The following SPOCK1 variants were observed in gnomAD, a reference collection of about 807,000 sequenced individuals.
SPOCK1 encodes the protein testican-1.
In SPOCK1, 23 loss-of-function variants were observed where a neutral mutation model predicts 55.3. That is an observed-to-expected ratio of 0.42 (90% CI 0.30 to 0.59). SPOCK1 has a LOEUF of 0.59. SPOCK1 is among the 20% of genes least tolerant of loss of function. SPOCK1 has a pLI of 0.22. For synonymous variants in SPOCK1, 226 were observed against 221.0 expected, an observed-to-expected ratio of 1.02 and a Z score of -0.20; for missense variants, 499 against 552.5, an observed-to-expected ratio of 0.90 and a Z score of 0.97.
At chr5:137,127,486 C>T (rs533807672) in intron 4 of SPOCK1, among the ~76,000 whole-genome samples, 12 of 152,374 alleles carry the variant, frequency 7.9e-5, no homozygotes, top group Non-Finnish European at 1.5e-4. Flanking sequence ...TCAATGGGTC[C>T]AGAAGGTGAG....
At chr5:137,349,136 T>C (rs1033543746) in intron 2 of SPOCK1, among the ~76,000 whole-genome samples, 1 of 152,188 alleles carries the variant, frequency 6.6e-6, no homozygotes, top group East Asian at 1.9e-4. Flanking sequence ...CTTATTTACA[T>C]ACATGTGGCT....
chr5:137,281,774 G>T (rs1480066845), intron 2 of SPOCK1, among the ~76,000 whole-genome samples: 2 of 152,148 alleles, frequency 1.3e-5, no homozygotes, highest in African/African-American at 4.8e-5. Context: ...GCTGCCTGCT[G>T]GAATTATTTG....
intron 3 of SPOCK1, among the ~76,000 whole-genome samples, chr5:137,245,694 G>A (rs1199367871): frequency 1.3e-5 from 2 of 151,706 alleles, no homozygotes; most frequent in Non-Finnish European, 1.5e-5. Context: ...AGGGATGTAC[G>A]GTTAGATGGC....
At chr5:137,451,899 C>T (rs1304143069) in intron 2 of SPOCK1, among the ~76,000 whole-genome samples, 1 of 152,180 alleles carries the variant, frequency 6.6e-6, no homozygotes, top group African/African-American at 2.4e-5. Flanking sequence ...ATTTTAGACC[C>T]TAAAGGTTGA....
chr5:137,337,003 G>C (rs1427800490), intron 2 of SPOCK1, among the ~76,000 whole-genome samples: 1 of 152,214 alleles, frequency 6.6e-6, no homozygotes, highest in Non-Finnish European at 1.5e-5. Flanking sequence ...GCAAAGACCA[G>C]TGACACTGTC....
chr5:137,427,786 G>A (rs1446739362), intron 2 of SPOCK1, among the ~76,000 whole-genome samples: 2 of 151,918 alleles, frequency 1.3e-5, no homozygotes, highest in African/African-American at 4.8e-5. Context: ...GTGGGTGGCT[G>A]TAGTCCCAGC....
At chr5:137,099,295 T>C (rs1753214516) in intron 5 of SPOCK1, among the ~76,000 whole-genome samples, 1 of 152,310 alleles carries the variant, frequency 6.6e-6, no homozygotes, top group Middle Eastern at 3.4e-3. Flanking sequence ...ACAGGTCTCA[T>C]TTTTAACATA....
chr5:137,449,579 C>T (rs1056733378), intron 2 of SPOCK1, among the ~76,000 whole-genome samples: 10 of 152,080 alleles, frequency 6.6e-5, no homozygotes, highest in African/African-American at 2.4e-4. Flanking sequence ...TAAAATGAGG[C>T]AAAACCCATG....
At chr5:137,247,619 G>A (rs1315549406) in intron 3 of SPOCK1, among the ~76,000 whole-genome samples, 1 of 152,160 alleles carries the variant, frequency 6.6e-6, no homozygotes, top group Non-Finnish European at 1.5e-5. Flanking sequence ...CGTCCATTTT[G>A]TGTTGCTATG....
chr5:137,033,902 C>A (rs981144330), intron 6 of SPOCK1, among the ~76,000 whole-genome samples: 2 of 152,212 alleles, frequency 1.3e-5, no homozygotes, highest in African/African-American at 4.8e-5. Flanking sequence ...TGCTCCCCAC[C>A]AGGGCTACTC....
Position 137,498,508 on chromosome 5 carries a change from G to C in SPOCK1, c.51C>G (p.Leu17=), listed in dbSNP as rs1754356219. The C allele has an allele frequency of 1.9e-6, 3 of 1,576,420 alleles. No individual in the cohort carries two copies. Among genetic ancestry groups the C allele is most frequent in the Non-Finnish European group, 2.6e-6 (3 of 1,166,420 alleles). Residue 17 remains leucine, a synonymous_variant, in exon 2 of 11, where the codon CTC becomes CTG. Transcript: ENST00000394945. ...LAAAAAAWCF[L]QVESRHLDAL... is the part of the protein sequence containing the mutation. ...CGTCCAGGTGCCGGCTCTCGACTTGGAGGAAGCACCACGCCGCGGCGGCCG... is the reference window on the plus strand; with the variant it reads ...CGTCCAGGTGCCGGCTCTCGACTTGCAGGAAGCACCACGCCGCGGCGGCCG...
chr5:137,383,570 C>G (rs1214643970), intron 2 of SPOCK1, among the ~76,000 whole-genome samples: 1 of 152,226 alleles, frequency 6.6e-6, no homozygotes, highest in African/African-American at 2.4e-5. Context: ...TCCTCCTTCC[C>G]TCTAGCTAGT....
At chr5:137,227,140 A>T (rs1475269372) in intron 3 of SPOCK1, among the ~76,000 whole-genome samples, 4 of 152,112 alleles carry the variant, frequency 2.6e-5, no homozygotes, top group Admixed American at 6.6e-5. Flanking sequence ...GAATCAGAAG[A>T]CCCTACTCCA....
rs529684274 is a variant in SPOCK1, at chr5:137,238,723, A to C, written c.232+28287T>G. Among the ~76,000 whole-genome samples the C allele has an allele frequency of 2.0e-5, 3 of 152,358 alleles. No individual in the cohort carries two copies. In the East Asian group the frequency reaches 5.8e-4, roughly 29 times the overall value. On this transcript the variant is annotated intron_variant, in intron 3 of 10. Coordinates refer to ENST00000394945, the MANE Select transcript of SPOCK1 (RefSeq NM_004598.4). ...CTTGGTAACAACAAAAATACTCAAT[A>C]AAATAGGAACAAATATATACTTCCT... is the stretch of plus-strand genomic sequence containing the variant.
chr5:136,978,178 T>C lies in SPOCK1; in HGVS notation c.*476A>G, dbSNP rs1750653045. Reference sequence around the variant, plus strand: ...CAGTAACGGGGGCAGGGGGAAAAAGTACAGTGTGGTGTATTTTTTGTTTTT... The same window carrying C: ...CAGTAACGGGGGCAGGGGGAAAAAGCACAGTGTGGTGTATTTTTTGTTTTT... On this transcript the variant is annotated 3_prime_UTR_variant, in exon 11 of 11. Transcript: ENST00000394945. 2 of 372,260 alleles carry C rather than the reference T, an allele frequency of 5.4e-6. No individual in the cohort carries two copies. Among genetic ancestry groups the C allele is most frequent in the East Asian group, 7.6e-5 (2 of 26,148 alleles). 23.1% of individuals were successfully genotyped at this position (372,260 alleles called of 1,614,324 possible). A position where few individuals can be genotyped will look rare whatever the true frequency, so the allele number is the denominator to read the frequency against.
intron 3 of SPOCK1, among the ~76,000 whole-genome samples, chr5:137,170,052 G>GAC (rs1754722241): frequency 6.6e-6 from 1 of 152,142 alleles, no homozygotes; most frequent in Admixed American, 6.5e-5. Flanking sequence ...TGAGGAATTT[G>GAC]TTCCAGGACC....
intron 5 of SPOCK1, among the ~76,000 whole-genome samples, chr5:137,104,089 T>C (rs563182464): frequency 6.6e-6 from 1 of 152,340 alleles, no homozygotes; most frequent in South Asian, 2.1e-4. Context: ...TTTGGATCTG[T>C]GTTCCCACCC....
chr5:137,423,872 G>A (rs574123747), intron 2 of SPOCK1, among the ~76,000 whole-genome samples: 42 of 152,198 alleles, frequency 2.8e-4, no homozygotes, highest in African/African-American at 6.0e-4. Flanking sequence ...CTTCTGCGTC[G>A]CTCACACTGG....
chr5:137,013,768 T>C (rs1445950251), intron 6 of SPOCK1, among the ~76,000 whole-genome samples: 4 of 152,202 alleles, frequency 2.6e-5, no homozygotes, highest in Non-Finnish European at 5.9e-5. Context: ...AGACATAAAT[T>C]CCAGTCAAAA....
Sources: allele counts gnomAD v4.1 joint callset (sites outside exome capture counted in the v4.1 genomes callset), GRCh38; gene constraint gnomAD v4.1.1; transcripts MANE v1.5; gene names NCBI Gene and HGNC (gene_info 2026-07-23, HGNC 2026-07-21).